SPART: variants seen among roughly 807,000 people sequenced by gnomAD.
The protein encoded by SPART is spastic paraplegia 20 (Troyer syndrome).
A neutral mutation model predicts 58.7 loss-of-function variants in SPART; 35 were observed. That is an observed-to-expected ratio of 0.60 (90% CI 0.46 to 0.79). The LOEUF (loss-of-function observed/expected upper bound fraction) is 0.79, where lower values mean the gene tolerates loss of function less well. SPART is among the 30% of genes least tolerant of loss of function. SPART has a pLI of 0.00. For missense variants in SPART, 730 were observed against 786.1 expected (o/e 0.93, Z 0.85); for synonymous variants, 284 against 280.7 (o/e 1.01, Z -0.12).
chr13:36,352,192 C>T (rs1186371986), intron 1 of SPART, among the ~76,000 whole-genome samples: 1 of 152,160 alleles, frequency 6.6e-6, no homozygotes, highest in African/African-American at 2.4e-5. Context: ...ATATGAAAAG[C>T]ATGCATTTGA....
chr13:36,344,282 C>T (rs1884847888), intron 1 of SPART, among the ~76,000 whole-genome samples: 1 of 151,966 alleles, frequency 6.6e-6, no homozygotes, highest in East Asian at 1.9e-4. Flanking sequence ...CTTGGGTATA[C>T]GTTTATTTCT....
At chr13:36,360,252 G>A (rs1043436985) in intron 1 of SPART, among the ~76,000 whole-genome samples, 3 of 6,802 alleles carry the variant, frequency 4.4e-4, no homozygotes, top group Admixed American at 1.6e-3. Flanking sequence ...CCAAGATTGC[G>A]CCACTGCACT....
In SPART at chr13:36,335,124, G is replaced by T; in HGVS notation, c.707C>A (p.Ala236Glu). 1.2e-6 allele frequency: 2 copies of T among 1,614,042 alleles called. No homozygotes were observed. The highest frequency in any genetic ancestry group is 1.7e-6 in the Non-Finnish European group (2 of 1,179,962). Residue 236 changes from alanine to glutamate, a missense_variant, in exon 2 of 9, where the codon GCA becomes GAA. Transcript: ENST00000438666. ...NGVQIFFVNP[A>E]GEVSAPSYPG... is the part of the protein sequence containing the mutation. ...ATACGAAGGTGCACTAACCTCCCCT[G>T]CAGGATTTACAAAAAAAATCTGTAC...
Position 36,329,939 on chromosome 13 carries a change from G to A in SPART, c.1009-422C>T, listed in dbSNP as rs1238341163. Among the ~76,000 whole-genome samples, 6 of 152,102 alleles carry A rather than the reference G, an allele frequency of 3.9e-5. No homozygotes were observed. The East Asian group carries it at 1.2e-3, about 29-fold the overall frequency. On this transcript the variant is annotated intron_variant, in intron 3 of 8. Transcript: ENST00000438666. ...TGGAAGGTTTATTTTTTAATTTTCT[G>A]CACAATATACACTTTGCTGAATGAA...
In SPART at chr13:36,335,561, G is replaced by C; in HGVS notation, c.270C>G (p.Thr90=). The part of the protein sequence containing the change: ...KMKETLQNVR[T]RLEILEKGLA... ...GACCCTTCTCTAGAATTTCCAGCCT[G>C]GTGCGTACATTCTGTAGAGTTTCTT... Residue 90 remains threonine, a synonymous_variant, in exon 2 of 9, where the codon ACC becomes ACG. Coordinates refer to ENST00000438666, the MANE Select transcript of SPART (RefSeq NM_015087.5). 6.2e-7 allele frequency: 1 copy of C among 1,614,130 alleles called. No homozygotes were observed. Among genetic ancestry groups the C allele is most frequent in the Non-Finnish European group, 8.5e-7 (1 of 1,180,024 alleles).
chr13:36,339,417 C>T (rs1026091086), intron 1 of SPART, among the ~76,000 whole-genome samples: 7 of 151,336 alleles, frequency 4.6e-5, no homozygotes, highest in African/African-American at 1.7e-4. Flanking sequence ...GGCAGATCAC[C>T]TGAGGTCAGG....
At chr13:36,364,613 A>C (rs1428927874) in intron 1 of SPART, among the ~76,000 whole-genome samples, 1 of 152,160 alleles carries the variant, frequency 6.6e-6, no homozygotes, top group Non-Finnish European at 1.5e-5. Flanking sequence ...ATTAACGAAA[A>C]AGAACAGAAG....
intron 1 of SPART, among the ~76,000 whole-genome samples, chr13:36,368,777 G>A (rs1886164790): frequency 6.6e-6 from 1 of 152,160 alleles, no homozygotes; most frequent in Non-Finnish European, 1.5e-5. Context: ...GCTGAGGTGG[G>A]CTGTTCATGA....
intron 1 of SPART, chr13:36,368,145 C>A: frequency 2.2e-6 from 1 of 453,654 alleles, no homozygotes; most frequent in South Asian, 1.6e-5. Flanking sequence ...ATATTTTAAA[C>A]ATGTCAACAA....
chr13:36,340,346 G>C (rs1336853832), intron 1 of SPART, among the ~76,000 whole-genome samples: 2 of 151,168 alleles, frequency 1.3e-5, no homozygotes, highest in Non-Finnish European at 2.9e-5. Flanking sequence ...CTGGGCGACA[G>C]AGCAAGACTC....
upstream of SPART, among the ~76,000 whole-genome samples, chr13:36,349,309 G>A (rs987983154): frequency 2.0e-5 from 3 of 152,152 alleles, no homozygotes; most frequent in Admixed American, 6.5e-5. Flanking sequence ...GTTAATTTTT[G>A]TTTTATGAGG....
intron 2 of SPART, among the ~76,000 whole-genome samples, chr13:36,333,375 G>A (rs1883641443): frequency 6.7e-6 from 1 of 150,240 alleles, no homozygotes; most frequent in Non-Finnish European, 1.5e-5. Flanking sequence ...TTTTAACAGT[G>A]ATTTTTAGCA....
At chr13:36,315,007 T>C (rs775217921) in intron 5 of SPART, among the ~76,000 whole-genome samples, 1 of 152,232 alleles carries the variant, frequency 6.6e-6, no homozygotes, top group African/African-American at 2.4e-5. Flanking sequence ...CCGTTTAGCT[T>C]GCTACACATA....
intron 8 of SPART, among the ~76,000 whole-genome samples, chr13:36,308,983 G>A (rs1185793229): frequency 4.6e-5 from 7 of 152,076 alleles, no homozygotes; most frequent in Non-Finnish European, 5.9e-5. Flanking sequence ...GGTGGCTCAC[G>A]CCTGTAATCC....
intron 1 of SPART, among the ~76,000 whole-genome samples, chr13:36,338,190 A>C (rs1884207768): frequency 6.6e-6 from 1 of 152,226 alleles, no homozygotes; most frequent in Non-Finnish European, 1.5e-5. Flanking sequence ...GTATATATAC[A>C]TAAAAATCAT....
At chr13:36,314,720 C>T (rs542049367) in intron 5 of SPART, among the ~76,000 whole-genome samples, 89 of 152,316 alleles carry the variant, frequency 5.8e-4, no homozygotes, top group African/African-American at 2.0e-3. Flanking sequence ...TTACTTACCA[C>T]AGTATATTAC....
rs562762340 is a variant in SPART at position 36,313,981 on chromosome 13, G to A, written c.1483+246C>T. 13 of 533,698 alleles carry A rather than the reference G, an allele frequency of 2.4e-5. No homozygotes were observed. In the East Asian group the frequency reaches 4.2e-4, roughly 17 times the overall value. 33.1% of individuals were successfully genotyped at this position (533,698 alleles called of 1,614,324 possible). On this transcript the variant is annotated intron_variant, in intron 6 of 8. Transcript: ENST00000438666. ...AATAAGAATCACCTAGGGATCTTGT[G>A]AAAATGCAGATTCTGAATCAGTAGG...
intron 1 of SPART, among the ~76,000 whole-genome samples, chr13:36,355,606 C>A (rs531089885): frequency 6.6e-6 from 1 of 152,276 alleles, no homozygotes; most frequent in Admixed American, 6.5e-5. Context: ...TTATAAACAT[C>A]TCATAAAACT....
chr13:36,314,097 G>C, intron 6 of SPART, 130 bp downstream of exon 6: 1 of 946,566 alleles, frequency 1.1e-6, no homozygotes, highest in East Asian at 2.6e-5. Flanking sequence ...GAATAACAAA[G>C]AGAAACTGCT....
Sources: gnomAD v4.1 joint callset for allele counts (sites outside exome capture counted in the v4.1 genomes callset) on GRCh38, gnomAD v4.1.1 for gene constraint, MANE v1.5 for transcripts, NCBI Gene and HGNC (gene_info 2026-07-23, HGNC 2026-07-21) for gene names.